The following CNTLN variants were observed in gnomAD, a reference collection of about 807,000 sequenced individuals.
CNTLN encodes centlein.
CNTLN carries 212 observed loss-of-function variants against 180.0 expected under a neutral mutation model. The ratio of observed to expected loss-of-function variants is 1.18; its 90% CI spans 1.05 to 1.32. The LOEUF is 1.32. CNTLN is among the 40% of genes most tolerant of loss of function. The pLI, the probability that CNTLN is intolerant of heterozygous loss-of-function variation, is 0.00. For missense variants in CNTLN, 2,095 were observed against 1,610.9 expected (o/e 1.30, Z -5.14); for synonymous variants, 722 against 563.1 (o/e 1.28, Z -3.99).
chr9:17,378,729 A>G (rs1032325418), intron 13 of CNTLN, among the ~76,000 whole-genome samples: 1 of 152,190 alleles, frequency 6.6e-6, no homozygotes, highest in African/African-American at 2.4e-5. Flanking sequence ...TCCACCAACT[A>G]CAGAGTGTTT....
At chr9:17,153,199 G>A (rs1339961525) in intron 2 of CNTLN, among the ~76,000 whole-genome samples, 2 of 151,960 alleles carry the variant, frequency 1.3e-5, no homozygotes, top group Admixed American at 1.3e-4. Context: ...ATCCTGTCAT[G>A]ATGTTAGCTG....
At chr9:17,347,772 C>T (rs868461821) in intron 12 of CNTLN, among the ~76,000 whole-genome samples, 2 of 152,000 alleles carry the variant, frequency 1.3e-5, no homozygotes, top group African/African-American at 4.8e-5. Context: ...TTAAAATGCT[C>T]AGAACACTTC....
chr9:17,420,364 A>G (rs531283086), intron 18 of CNTLN, among the ~76,000 whole-genome samples: 1 of 152,350 alleles, frequency 6.6e-6, no homozygotes, highest in African/African-American at 2.4e-5. Context: ...AGTTGGTGAC[A>G]GTAGCCACTA....
At chr9:17,228,854 G>A (rs1347968868) in intron 3 of CNTLN, among the ~76,000 whole-genome samples, 2 of 151,976 alleles carry the variant, frequency 1.3e-5, no homozygotes, top group Non-Finnish European at 2.9e-5. Context: ...GAACAGTGGC[G>A]TTATTATCAA....
chr9:17,193,734 TCA>T (rs916184458), intron 2 of CNTLN, among the ~76,000 whole-genome samples: 5 of 152,212 alleles, frequency 3.3e-5, no homozygotes, highest in Non-Finnish European at 7.3e-5. Flanking sequence ...GCCCCTCTTC[TCA>T]CAGTTCCACT....
intron 7 of CNTLN, chr9:17,299,448 T>TA (rs1818195599): frequency 1.0e-6 from 1 of 978,502 alleles, no homozygotes; most frequent in Non-Finnish European, 1.2e-6. Context: ...CTTCTGATCT[T>TA]ACTTTTCTAA....
At chr9:17,382,492 CTT>C (rs1475220560) in intron 13 of CNTLN, among the ~76,000 whole-genome samples, 1 of 152,134 alleles carries the variant, frequency 6.6e-6, no homozygotes, top group Non-Finnish European at 1.5e-5. Context: ...AAGGCAAAAA[CTT>C]TTCAACATCA....
chr9:17,293,778 C>A (rs909440214), intron 6 of CNTLN, among the ~76,000 whole-genome samples: 2 of 152,152 alleles, frequency 1.3e-5, no homozygotes, highest in Non-Finnish European at 2.9e-5. Flanking sequence ...TAGGTAGTCA[C>A]CAGCCCATTG....
chr9:17,484,338 G>C lies in CNTLN; in HGVS notation c.3899G>C (p.Arg1300Pro), dbSNP rs202218754. ...CAAAATGATGTCCATGTGGTAAGGC[G>C]ACAAATAAGAGAGCTTAAAAAAATG... ...ELQNDVHVVR[R>P]QIRELKKMKK... The change falls in exon 24 of 26, where the codon CGA becomes CCA. Residue 1300 changes from arginine to proline, a missense_variant. Coordinates refer to ENST00000380647, the MANE Select transcript of CNTLN (RefSeq NM_017738.4). 6.2e-7 allele frequency: 1 copy of C among 1,609,778 alleles called. No individual in the cohort carries two copies. Among genetic ancestry groups the C allele is most frequent in the Non-Finnish European group, 8.5e-7 (1 of 1,178,696 alleles).
At chr9:17,191,900 T>C (rs957385162) in intron 2 of CNTLN, among the ~76,000 whole-genome samples, 14 of 152,310 alleles carry the variant, frequency 9.2e-5, no homozygotes, top group African/African-American at 3.1e-4. Context: ...ATTGGGTGTC[T>C]TGGCATCAAT....
chr9:17,299,518 A>C, intron 7 of CNTLN: 2 of 984,984 alleles, frequency 2.0e-6, no homozygotes, highest in Non-Finnish European at 2.4e-6. Flanking sequence ...CTTAAAACTT[A>C]AACACATATT....
the CNTLN span, among the ~76,000 whole-genome samples, chr9:17,517,450 GAAAT>G: frequency 4.6e-5 from 7 of 151,022 alleles, no homozygotes; most frequent in South Asian, 1.5e-3. Context: ...TGAAAAAAAA[GAAAT>G]AAAGTCTTTG....
chr9:17,322,765 G>C (rs978025266), intron 8 of CNTLN, among the ~76,000 whole-genome samples: 4 of 151,832 alleles, frequency 2.6e-5, no homozygotes, highest in African/African-American at 9.7e-5. Flanking sequence ...GGAGTAAAGA[G>C]TATTTTTTGT....
chr9:17,525,835 C>G, the CNTLN span, among the ~76,000 whole-genome samples: 1 of 152,192 alleles, frequency 6.6e-6, no homozygotes, highest in Non-Finnish European at 1.5e-5. Context: ...ATACAAAACA[C>G]TGGTTATGAA....
At chr9:17,319,600 A>C (rs1213394802) in intron 8 of CNTLN, among the ~76,000 whole-genome samples, 1 of 152,124 alleles carries the variant, frequency 6.6e-6, no homozygotes, top group Non-Finnish European at 1.5e-5. Flanking sequence ...TTGATCACTT[A>C]ATTGTGTGAC....
rs751833282 is a variant in CNTLN, at chr9:17,135,103, C to G, written c.38C>G (p.Pro13Arg). The G allele has an allele frequency of 3.1e-6, 5 of 1,605,568 alleles. No individual in the cohort carries two copies. Among genetic ancestry groups the G allele is most frequent in the Non-Finnish European group, 4.2e-6 (5 of 1,177,920 alleles). ...ARSPPSPHPSPPARQLGPRSP... is the reference protein window; with the variant it reads ...ARSPPSPHPSRPARQLGPRSP... ...TCGCCTCCCTCACCGCACCCTTCGC[C>G]CCCAGCGCGACAGCTGGGCCCCAGG... Residue 13 changes from proline to arginine, a missense_variant, in exon 1 of 26, where the codon CCC becomes CGC. Pro to Arg is a moderately radical substitution (Grantham distance 103, BLOSUM62 -2). Transcript: ENST00000380647.
At chr9:17,526,264 C>T in the CNTLN span, among the ~76,000 whole-genome samples, 1 of 152,122 alleles carries the variant, frequency 6.6e-6, no homozygotes, top group African/African-American at 2.4e-5. Flanking sequence ...CATTTCCCTA[C>T]TCAAAATAGC....
chr9:17,361,411 T>A (rs1324760378), intron 12 of CNTLN, among the ~76,000 whole-genome samples: 1 of 152,222 alleles, frequency 6.6e-6, no homozygotes, highest in African/African-American at 2.4e-5. Flanking sequence ...TTCTCTCTTC[T>A]CTGACTGGTC....
chr9:17,486,539 T>A (rs975418713), intron 24 of CNTLN, among the ~76,000 whole-genome samples: 4 of 152,124 alleles, frequency 2.6e-5, no homozygotes, highest in African/African-American at 9.7e-5. Flanking sequence ...AGCATTTAAA[T>A]ATACCGGAGT....
Sources: gnomAD v4.1 joint callset for allele counts (sites outside exome capture counted in the v4.1 genomes callset) on GRCh38, gnomAD v4.1.1 for gene constraint, MANE v1.5 for transcripts, NCBI Gene and HGNC (gene_info 2026-07-23, HGNC 2026-07-21) for gene names.